The following PLXNA4 variants were observed in gnomAD, a reference collection of about 807,000 sequenced individuals.
PLXNA4 encodes the protein plexin-A4.
PLXNA4 carries 44 observed loss-of-function variants against 191.8 expected under a neutral mutation model. The observed-to-expected ratio is 0.23, with a 90% CI of 0.18 to 0.29. The LOEUF (loss-of-function observed/expected upper bound fraction) is 0.29, where lower values mean the gene tolerates loss of function less well. Among genes scored for constraint, PLXNA4 ranks in the 10% least tolerant of loss-of-function variants. The pLI, the probability that PLXNA4 is intolerant of heterozygous loss-of-function variation, is 1.00. For synonymous variants in PLXNA4, 1,082 were observed against 1,009.5 expected (o/e 1.07, Z -1.36); for missense variants, 1,800 against 2,488.8 (o/e 0.72, Z 5.89).
intron 9 of PLXNA4, 69 bp downstream of exon 9, chr7:132,223,458 G>T: frequency 7.5e-7 from 1 of 1,332,682 alleles, no homozygotes; most frequent in East Asian, 2.5e-5. Flanking sequence ...CCTCTTAAGG[G>T]AATGCCTCTC....
intron 4 of PLXNA4, among the ~76,000 whole-genome samples, chr7:132,278,434 A>G (rs923153190): frequency 5.3e-5 from 8 of 152,110 alleles, no homozygotes; most frequent in African/African-American, 7.2e-5. Context: ...GCTTCTGTTC[A>G]TTTCTTTATT....
At chr7:132,305,117 C>T (rs1317866943) in intron 3 of PLXNA4, among the ~76,000 whole-genome samples, 1 of 152,292 alleles carries the variant, frequency 6.6e-6, no homozygotes, top group South Asian at 2.1e-4. Flanking sequence ...AGACTCTTAC[C>T]TGCACCAAGT....
At chr7:132,493,613 G>T (rs1797888093) in intron 2 of PLXNA4, among the ~76,000 whole-genome samples, 1 of 152,070 alleles carries the variant, frequency 6.6e-6, no homozygotes, top group Non-Finnish European at 1.5e-5. Flanking sequence ...CAAGGACAGG[G>T]GCCACGTTTT....
intron 12 of PLXNA4, among the ~76,000 whole-genome samples, chr7:132,202,406 A>G (rs780616645): frequency 2.0e-5 from 3 of 152,154 alleles, no homozygotes; most frequent in East Asian, 1.9e-4. Context: ...AGAGACTCCA[A>G]CAGGACAGTT....
rs1229775209 is a variant in PLXNA4, at chr7:132,223,743, G to A, written c.1983-102C>T. On this transcript the variant is annotated intron_variant, in intron 8 of 31. Transcript: ENST00000321063. Reference sequence around the variant, plus strand: ...TAGCAAAACATTTTTAGTATTAAGAGAAACCACCGTTGAATGTGCAGGAAG... The same window carrying A: ...TAGCAAAACATTTTTAGTATTAAGAAAAACCACCGTTGAATGTGCAGGAAG... The A allele has an allele frequency of 2.2e-5, 19 of 868,560 alleles. No individual in the cohort carries two copies. In the South Asian group the frequency reaches 2.6e-4, roughly 12 times the overall value. The allele number at this position is 868,560 out of a possible 1,614,324, so 53.8% of individuals were successfully genotyped here.
At chr7:132,576,941 G>A (rs1802269998), upstream of PLXNA4, 1 of 148,276 alleles carries the variant, frequency 6.7e-6, no homozygotes. The surrounding 1 kb of genome is among the most constrained non-coding windows in gnomAD (Gnocchi z 5.8). Flanking sequence ...AGCGCTCTCG[G>A]CGCCTCTGCG....
At chr7:132,475,963 G>A (rs1386958209) in intron 3 of PLXNA4, among the ~76,000 whole-genome samples, 1 of 152,186 alleles carries the variant, frequency 6.6e-6, no homozygotes, top group East Asian at 1.9e-4. Context: ...GAGAGAACAT[G>A]AGGGAGGTGG....
At chr7:132,282,258 C>T (rs1358644566) in intron 4 of PLXNA4, among the ~76,000 whole-genome samples, 2 of 152,102 alleles carry the variant, frequency 1.3e-5, no homozygotes, top group East Asian at 1.9e-4. Context: ...CCCACTAACT[C>T]GTCATCTAGC....
chr7:132,205,819 A>G (rs769388759), intron 10 of PLXNA4, among the ~76,000 whole-genome samples: 5 of 152,216 alleles, frequency 3.3e-5, no homozygotes, highest in Non-Finnish European at 7.3e-5. Flanking sequence ...AGGTCTGGCC[A>G]AGACACAAAG....
intron 4 of PLXNA4, among the ~76,000 whole-genome samples, chr7:132,292,298 G>C (rs1563016317): frequency 6.6e-6 from 1 of 152,176 alleles, no homozygotes; most frequent in Admixed American, 6.5e-5. Context: ...AGGTGGCAGA[G>C]AGCAGCATCT....
chr7:132,164,757 A>C (rs182408380), intron 23 of PLXNA4, among the ~76,000 whole-genome samples: 233 of 152,368 alleles, frequency 1.5e-3, no homozygotes, highest in African/African-American at 5.3e-3. Flanking sequence ...CGGCTTCTGC[A>C]CCGGCCGGGG....
chr7:132,641,124 C>T (rs534682915), intron 2 of PLXNA4, among the ~76,000 whole-genome samples: 8 of 152,224 alleles, frequency 5.3e-5, no homozygotes, highest in Non-Finnish European at 1.0e-4. Context: ...TCCATGCTTG[C>T]CTGTGATACA....
intron 1 of PLXNA4, among the ~76,000 whole-genome samples, chr7:132,647,022 TACAC>T (rs1563203217): frequency 6.8e-6 from 1 of 146,638 alleles, no homozygotes. Context: ...TACACCAACA[TACAC>T]ACATACACGC....
At chr7:132,131,671 T>G (rs1284028772) in intron 31 of PLXNA4, among the ~76,000 whole-genome samples, 1 of 152,240 alleles carries the variant, frequency 6.6e-6, no homozygotes, top group Non-Finnish European at 1.5e-5. Flanking sequence ...AACACCAAGG[T>G]AGACAGGTGT....
chr7:132,605,612 A>G (rs889609920), intron 2 of PLXNA4, among the ~76,000 whole-genome samples: 1 of 152,092 alleles, frequency 6.6e-6, no homozygotes, highest in Non-Finnish European at 1.5e-5. Context: ...GTTATTATTA[A>G]TAGGTTAAAT....
At chr7:132,300,373 A>G (rs750764441) in intron 3 of PLXNA4, among the ~76,000 whole-genome samples, 84 of 152,296 alleles carry the variant, frequency 5.5e-4, no homozygotes, top group Non-Finnish European at 1.2e-3. Context: ...AATTCCTGAG[A>G]CTTTCTCTAG....
rs183235617 is a variant in PLXNA4 at position 132,239,731 on chromosome 7, C to A, written c.1604+1335G>T. On this transcript the variant is annotated intron_variant, in intron 5 of 31. Transcript: ENST00000321063. Reference sequence around the variant, plus strand: ...CTATGCTGGCCACTCCTAGGCTCCCCTGCTCTGTTAGCATGCAACCTTTCT... The same window carrying A: ...CTATGCTGGCCACTCCTAGGCTCCCATGCTCTGTTAGCATGCAACCTTTCT... Among the ~76,000 whole-genome samples the A allele has an allele frequency of 2.0e-5, 3 of 152,344 alleles. No homozygotes were observed. The East Asian group carries it at 5.8e-4, about 29-fold the overall frequency.
chr7:132,305,196 G>A (rs913747103), intron 3 of PLXNA4, among the ~76,000 whole-genome samples: 2 of 152,150 alleles, frequency 1.3e-5, no homozygotes, highest in African/African-American at 4.8e-5. Flanking sequence ...GGGGCTGGGG[G>A]CAGCAACTGA....
At chr7:132,594,373 G>A (rs1030391394) in intron 2 of PLXNA4, among the ~76,000 whole-genome samples, 3 of 152,190 alleles carry the variant, frequency 2.0e-5, no homozygotes, top group Non-Finnish European at 2.9e-5. Context: ...GTGGGAGCAC[G>A]ACCCTGCAGA....
Sources: gnomAD v4.1 joint callset for allele counts (sites outside exome capture counted in the v4.1 genomes callset) on GRCh38, gnomAD v4.1.1 for gene constraint, Gnocchi (gnomAD v3.1) non-coding constraint, MANE v1.5 for transcripts, NCBI Gene and HGNC (gene_info 2026-07-23, HGNC 2026-07-21) for gene names.